ZNF516: variants seen among roughly 807,000 people sequenced by gnomAD.
ZNF516 encodes zinc finger protein 516.
Under a neutral mutation model 79.7 loss-of-function variants are expected in ZNF516, and 19 were observed. The ratio of observed to expected loss-of-function variants is 0.24; its 90% CI spans 0.17 to 0.35. ZNF516 has a LOEUF of 0.35. Ranked by LOEUF, ZNF516 falls within the 10% of genes least tolerant of loss-of-function variation. The probability of loss-of-function intolerance (pLI) is 1.00; values close to 1 mark genes in which losing one functional copy is unlikely to be tolerated. For missense variants in ZNF516, 1,678 were observed against 1,679.5 expected (o/e 1.00, Z 0.02); for synonymous variants, 877 against 739.5 (o/e 1.19, Z -3.02).
At chr18:76,418,366 G>A (rs2075462132) in intron 3 of ZNF516, among the ~76,000 whole-genome samples, 2 of 145,026 alleles carry the variant, frequency 1.4e-5, no homozygotes, top group South Asian at 4.3e-4. Context: ...GTAACACACT[G>A]TAACACTAAC....
intron 3 of ZNF516, among the ~76,000 whole-genome samples, chr18:76,424,924 G>A (rs2075572479): frequency 6.9e-6 from 1 of 144,020 alleles, no homozygotes; most frequent in African/African-American, 2.6e-5. Context: ...ACATGCAGGT[G>A]AAAAGGTTCC....
chr18:76,488,501 C>G (rs1914964740), intron 1 of ZNF516, among the ~76,000 whole-genome samples: 1 of 138,564 alleles, frequency 7.2e-6, no homozygotes, highest in African/African-American at 2.6e-5. Context: ...CTGAACTTTT[C>G]CCACAGCTTC....
chr18:76,386,882 G>T (rs748727999), intron 3 of ZNF516: 3 of 152,112 alleles, frequency 2.0e-5, no homozygotes, highest in Non-Finnish European at 4.4e-5. Context: ...CATCATGATG[G>T]TTCCCACAGG....
At chr18:76,391,606 G>C (rs2075075520) in intron 3 of ZNF516, among the ~76,000 whole-genome samples, 1 of 152,128 alleles carries the variant, frequency 6.6e-6, no homozygotes, top group Admixed American at 6.5e-5. Context: ...CTGCAAACCT[G>C]CACAGCCCCA....
intron 3 of ZNF516, among the ~76,000 whole-genome samples, chr18:76,434,869 C>T (rs181233853): frequency 3.3e-4 from 50 of 152,358 alleles, no homozygotes; most frequent in Middle Eastern, 3.4e-3. Context: ...CAACGCAGGA[C>T]ACTGCAAATT....
At chr18:76,433,650 G>A (rs1257743598) in intron 3 of ZNF516, among the ~76,000 whole-genome samples, 3 of 152,294 alleles carry the variant, frequency 2.0e-5, no homozygotes, top group East Asian at 3.9e-4. Flanking sequence ...GAGCTGAAAT[G>A]CATATGGAGC....
intron 3 of ZNF516, chr18:76,385,784 C>T (rs538284258): frequency 5.3e-5 from 8 of 151,316 alleles, no homozygotes; most frequent in South Asian, 2.1e-4. Flanking sequence ...CTGCCCCCCC[C>T]CCGGGAGCTG....
At chr18:76,481,205 C>G (rs1188387460) in intron 1 of ZNF516, among the ~76,000 whole-genome samples, 1 of 152,212 alleles carries the variant, frequency 6.6e-6, no homozygotes, top group East Asian at 1.9e-4. Context: ...ACAGCTGACC[C>G]AGAAATTTTT....
At chr18:76,433,349 G>A (rs1180407197) in intron 3 of ZNF516, among the ~76,000 whole-genome samples, 10 of 152,166 alleles carry the variant, frequency 6.6e-5, no homozygotes, top group Non-Finnish European at 1.2e-4. Context: ...TGAGTCCTGC[G>A]GGGCCCTCAA....
chr18:76,460,068 A>G (rs1913003350), intron 2 of ZNF516, among the ~76,000 whole-genome samples: 1 of 152,244 alleles, frequency 6.6e-6, no homozygotes, highest in Admixed American at 6.5e-5. Flanking sequence ...GCATTTCTGG[A>G]CCAGGACTCG....
chr18:76,460,227 A>C (rs1913013879), intron 2 of ZNF516, among the ~76,000 whole-genome samples: 1 of 152,048 alleles, frequency 6.6e-6, no homozygotes. Context: ...GCCTGCACTC[A>C]CCGTCCAGGG....
At position 76,446,651 on chromosome 18, in the gene ZNF516, T is replaced by C. The variant is rs148091245; in HGVS notation, c.-157-3440A>G. On this transcript the variant is annotated intron_variant, in intron 2 of 6. Transcript: ENST00000443185. ...GCAGTCTCCATTTCCTTAAACTCAC[T>C]TAAAAGCTTTCCCCGAAACTTGCAG... is the stretch of plus-strand genomic sequence containing the variant. Among the ~76,000 whole-genome samples the C allele has an allele frequency of 3.1e-3, 472 of 152,280 alleles. 4 individuals carry two copies. Among genetic ancestry groups the C allele is most frequent in the Middle Eastern group, 0.017 (5 of 294 alleles).
rs766919868 is a variant in ZNF516 at position 76,459,828 on chromosome 18, C to T, written c.-158+3200G>A. ...ACGAGGTTAGACGGTGGCAGGCAGG[C>T]TAAGAACAGGCGATCCGGCAGGCAC... On this transcript the variant is annotated intron_variant, in intron 2 of 6. Coordinates refer to ENST00000443185, the MANE Select transcript of ZNF516 (RefSeq NM_014643.4). The surrounding 1 kb of genome is among the most constrained non-coding windows in gnomAD (Gnocchi z 5.0). Among the ~76,000 whole-genome samples the T allele has an allele frequency of 1.3e-5, 2 of 151,984 alleles. No individual in the cohort carries two copies. Among genetic ancestry groups the T allele is most frequent in the African/African-American group, 4.8e-5 (2 of 41,394 alleles).
Position 76,483,281 on chromosome 18 carries a change from T to C in ZNF516, c.-272+11863A>G, listed in dbSNP as rs545897953. On this transcript the variant is annotated intron_variant, in intron 1 of 6. Coordinates refer to ENST00000443185, the MANE Select transcript of ZNF516 (RefSeq NM_014643.4). ...CAGCTCAAGCCAGCCAACCTGACCA[T>C]TGGAAAGAAAGGAGGAGAATGCACA... Among the ~76,000 whole-genome samples, 180 of 152,100 alleles carry C rather than the reference T, an allele frequency of 1.2e-3. 1 individual carries two copies. The highest frequency in any genetic ancestry group is 4.0e-3 in the African/African-American group (164 of 41,472).
intron 4 of ZNF516, among the ~76,000 whole-genome samples, chr18:76,375,095 G>A (rs55803026): frequency 0.15 from 22,918 of 152,214 alleles, 1,984 homozygotes; most frequent in Non-Finnish European, 0.2. Flanking sequence ...GATTTCCTGG[G>A]CTGCGGTAAC....
At chr18:76,364,942 A>G (rs2074591597) in intron 6 of ZNF516, among the ~76,000 whole-genome samples, 1 of 152,228 alleles carries the variant, frequency 6.6e-6, no homozygotes, top group South Asian at 2.1e-4. Context: ...AAAATGGAAA[A>G]TGTGTTTTAA....
intron 2 of ZNF516, among the ~76,000 whole-genome samples, chr18:76,456,757 G>C (rs1568309152): frequency 1.3e-5 from 2 of 150,794 alleles, no homozygotes; most frequent in South Asian, 4.2e-4. Context: ...GGGGGTGGGG[G>C]GGGGCCAGTG....
chr18:76,414,040 A>C (rs2075403744), intron 3 of ZNF516, among the ~76,000 whole-genome samples: 1 of 152,242 alleles, frequency 6.6e-6, no homozygotes, highest in Non-Finnish European at 1.5e-5. Context: ...TTCTTAGGCC[A>C]TCAAAACATT....
In ZNF516 at chr18:76,451,604, C is replaced by T. The variant is rs1053062596; in HGVS notation, c.-157-8393G>A. Reference sequence around the variant, plus strand: ...GACGACTCTCAGACACGGTTGGTCCCGGCCACAGCTACTACGGGGTCGGCG... The same window carrying T: ...GACGACTCTCAGACACGGTTGGTCCTGGCCACAGCTACTACGGGGTCGGCG... On this transcript the variant is annotated intron_variant, in intron 2 of 6. Transcript: ENST00000443185. This position sits in a 1 kb window ranked among gnomAD's most constrained non-coding sequence, Gnocchi z 6.0. Among the ~76,000 whole-genome samples the T allele has an allele frequency of 5.9e-5, 9 of 152,170 alleles. No homozygotes were observed. The highest frequency in any genetic ancestry group is 1.2e-4 in the Non-Finnish European group (8 of 68,024).
Sources: allele counts gnomAD v4.1 joint callset (sites outside exome capture counted in the v4.1 genomes callset), GRCh38; gene constraint gnomAD v4.1.1; non-coding constraint Gnocchi (gnomAD v3.1); transcripts MANE v1.5; gene names NCBI Gene and HGNC (gene_info 2026-07-23, HGNC 2026-07-21).